Variants in CCDC149 observed in about 807,000 individuals in gnomAD.
The protein encoded by CCDC149 is coiled-coil domain containing 149, also known as coiled-coil domain-containing protein 149.
In CCDC149, 45 loss-of-function variants were observed where a neutral mutation model predicts 59.9. That is an observed-to-expected ratio of 0.75 (90% CI 0.59 to 0.96). CCDC149 has a LOEUF of 0.96. CCDC149 is among the 40% of genes least tolerant of loss of function. The probability of loss-of-function intolerance (pLI) is 0.00; values close to 1 mark genes in which losing one functional copy is unlikely to be tolerated. For synonymous variants in CCDC149, 245 were observed against 260.6 expected (o/e 0.94, Z 0.58); for missense variants, 584 against 664.7 (o/e 0.88, Z 1.33).
At chr4:24,854,867 G>C (rs1266561818) in intron 3 of CCDC149, among the ~76,000 whole-genome samples, 2 of 152,092 alleles carry the variant, frequency 1.3e-5, no homozygotes, top group Admixed American at 6.5e-5. Flanking sequence ...TCCCTCCAGA[G>C]AGCCTCTTGG....
At chr4:24,856,255 G>A (rs1717999265) in intron 3 of CCDC149, among the ~76,000 whole-genome samples, 1 of 152,156 alleles carries the variant, frequency 6.6e-6, no homozygotes, top group Non-Finnish European at 1.5e-5. Context: ...TTGGGCACCT[G>A]GCATCTGCCT....
intron 1 of CCDC149, among the ~76,000 whole-genome samples, chr4:24,967,799 G>T (rs1331649026): frequency 6.6e-6 from 1 of 151,924 alleles, no homozygotes; most frequent in Admixed American, 6.6e-5. Context: ...GGCAGCATGT[G>T]GTTGGGCTGT....
chr4:24,950,332 T>C (rs1316382522), intron 1 of CCDC149, among the ~76,000 whole-genome samples: 2 of 152,228 alleles, frequency 1.3e-5, no homozygotes, highest in Non-Finnish European at 2.9e-5. Flanking sequence ...TCCAACCTCA[T>C]AGGTGGGTTG....
chr4:24,931,829 G>GTATATATATATA (rs57205804), intron 1 of CCDC149, among the ~76,000 whole-genome samples: 2,594 of 76,698 alleles, frequency 0.034, 244 homozygotes, highest in African/African-American at 0.086. Context: ...TGGAGAGTAT[G>GTATATATATATA]TATATATATA....
chr4:24,937,457 G>A (rs1224220868), intron 1 of CCDC149, among the ~76,000 whole-genome samples: 2 of 152,182 alleles, frequency 1.3e-5, no homozygotes, highest in Non-Finnish European at 2.9e-5. Context: ...CCACATTTCA[G>A]TGGCTTAACA....
intron 4 of CCDC149, among the ~76,000 whole-genome samples, chr4:24,844,752 A>G (rs944666367): frequency 6.6e-6 from 1 of 152,102 alleles, no homozygotes; most frequent in Non-Finnish European, 1.5e-5. Flanking sequence ...AGCCTGGATG[A>G]CAGGGCGAGA....
At chr4:24,875,993 T>C (rs1268432742) in intron 2 of CCDC149, among the ~76,000 whole-genome samples, 1 of 152,130 alleles carries the variant, frequency 6.6e-6, no homozygotes, top group African/African-American at 2.4e-5. Flanking sequence ...AATTGCATGC[T>C]GTTCTGAGTC....
intron 8 of CCDC149, among the ~76,000 whole-genome samples, chr4:24,834,535 C>T (rs989707947): frequency 6.6e-6 from 1 of 152,108 alleles, no homozygotes; most frequent in African/African-American, 2.4e-5. Flanking sequence ...TCAAAACGCA[C>T]CCTTGGAGAT....
intron 1 of CCDC149, among the ~76,000 whole-genome samples, chr4:24,941,723 T>A (rs1197306533): frequency 6.6e-6 from 1 of 152,138 alleles, no homozygotes; most frequent in Non-Finnish European, 1.5e-5. Context: ...ATATCACCAC[T>A]GACCCACAGA....
chr4:24,831,247 T>C (rs1020317501), intron 9 of CCDC149: 6 of 316,902 alleles, frequency 1.9e-5, no homozygotes, highest in South Asian at 6.7e-5. Context: ...AACTCATCCA[T>C]GAAATACATA....
intron 1 of CCDC149, among the ~76,000 whole-genome samples, chr4:24,971,566 T>C (rs1160639748): frequency 2.0e-5 from 3 of 152,246 alleles, no homozygotes; most frequent in Admixed American, 1.3e-4. Context: ...CTGCTAATGC[T>C]GTACGTTCGG....
chr4:24,927,975 A>G (rs902309132), intron 1 of CCDC149, among the ~76,000 whole-genome samples: 8 of 152,178 alleles, frequency 5.3e-5, no homozygotes, highest in African/African-American at 1.2e-4. Flanking sequence ...AAAAACCTCT[A>G]TAAAATGGCT....
chr4:24,888,616 CCAGACATGGG>C (rs1720339450), intron 1 of CCDC149, among the ~76,000 whole-genome samples: 1 of 152,178 alleles, frequency 6.6e-6, no homozygotes, highest in Non-Finnish European at 1.5e-5. Flanking sequence ...TTTAACCTCT[CCAGACATGGG>C]TTTGGTTATC....
downstream of CCDC149, among the ~76,000 whole-genome samples, chr4:24,805,675 T>C (rs1714118759): frequency 6.6e-6 from 1 of 152,216 alleles, no homozygotes. Flanking sequence ...CCATGTGACA[T>C]CATCATGTGA....
Position 24,813,576 on chromosome 4 carries a change from C to A in CCDC149, c.1193-4757G>T, listed in dbSNP as rs560523154. Among the ~76,000 whole-genome samples the A allele has an allele frequency of 4.2e-4, 62 of 146,804 alleles. No individual in the cohort carries two copies. The East Asian group carries it at 4.4e-3, about 10-fold the overall frequency. ...CTAACAAGTTTGAATTAAAATGGAG[C>A]TTAGAATTTCTGCAACGTGTAACAA... is the stretch of plus-strand genomic sequence containing the variant. On this transcript the variant is annotated intron_variant, in intron 12 of 12. Coordinates refer to ENST00000635206, the MANE Select transcript of CCDC149 (RefSeq NM_001330643.2).
At chr4:24,973,215 C>T (rs886505141) in intron 1 of CCDC149, among the ~76,000 whole-genome samples, 12 of 152,172 alleles carry the variant, frequency 7.9e-5, no homozygotes, top group African/African-American at 2.9e-4. Context: ...TTATGTCTCC[C>T]TAACACATAT....
At chr4:24,822,732 T>C in intron 9 of CCDC149, 159 bp from the exon 10 acceptor site, 1 of 480,556 alleles carries the variant, frequency 2.1e-6, no homozygotes, top group South Asian at 4.2e-5. Context: ...ATATGTGCTC[T>C]ATTGAAAGTG....
intron 1 of CCDC149, among the ~76,000 whole-genome samples, chr4:24,968,397 A>C (rs1723866724): frequency 6.6e-6 from 1 of 152,182 alleles, no homozygotes; most frequent in Non-Finnish European, 1.5e-5. Context: ...ACGGGTAACA[A>C]ATTCCCAGAC....
Position 24,838,143 on chromosome 4 carries a change from T to C in CCDC149, c.489+13A>G. 1.3e-6 allele frequency: 2 copies of C among 1,587,270 alleles called. No individual in the cohort carries two copies. Among genetic ancestry groups the C allele is most frequent in the East Asian group, 2.2e-5 (1 of 44,772 alleles). On this transcript the variant is annotated intron_variant, in intron 5 of 12. Transcript: ENST00000635206. The stretch of plus-strand genomic sequence containing the variant: ...AAATGCATCCCCCACTCTGAATAGA[T>C]GTTAGTGAGAACCTGTTCCTTAGCT...
Sources: gnomAD v4.1 joint callset for allele counts (sites outside exome capture counted in the v4.1 genomes callset) on GRCh38, gnomAD v4.1.1 for gene constraint, MANE v1.5 for transcripts, NCBI Gene and HGNC (gene_info 2026-07-23, HGNC 2026-07-21) for gene names.